PTPRD: variants seen among roughly 807,000 people sequenced by gnomAD.
PTPRD encodes the protein receptor-type tyrosine-protein phosphatase delta.
In PTPRD, 34 loss-of-function variants were observed where a neutral mutation model predicts 214.5. The observed-to-expected ratio is 0.16, with a 90% confidence interval of 0.12 to 0.21. PTPRD has a LOEUF of 0.21. Among genes scored for constraint, PTPRD ranks in the 10% least tolerant of loss-of-function variants. The pLI, the probability that PTPRD is intolerant of heterozygous loss-of-function variation, is 1.00. For missense variants in PTPRD, 2,545 were observed against 2,398.7 expected, an observed-to-expected ratio of 1.06 and a Z score of -1.27; for synonymous variants, 1,128 against 845.7, an observed-to-expected ratio of 1.33 and a Z score of -5.79.
At chr9:8,996,957 T>C (rs528942453) in intron 11 of PTPRD, among the ~76,000 whole-genome samples, 4 of 152,212 alleles carry the variant, frequency 2.6e-5, no homozygotes, top group African/African-American at 9.6e-5. Flanking sequence ...AATTACATGC[T>C]AAAAAGAATA....
At chr9:8,599,088 CATGAGACTT>C (rs756480233) in intron 14 of PTPRD, among the ~76,000 whole-genome samples, 28 of 152,152 alleles carry the variant, frequency 1.8e-4, no homozygotes, top group Non-Finnish European at 2.6e-4. Flanking sequence ...AAGCTGTTCT[CATGAGACTT>C]AATACGTCTC....
chr9:9,230,048 T>A (rs2099962093), intron 9 of PTPRD, among the ~76,000 whole-genome samples: 1 of 152,162 alleles, frequency 6.6e-6, no homozygotes, highest in African/African-American at 2.4e-5. Flanking sequence ...TCATGTTAAA[T>A]TAACTCAATA....
chr9:8,895,649 C>T (rs2098603230), intron 11 of PTPRD, among the ~76,000 whole-genome samples: 1 of 152,130 alleles, frequency 6.6e-6, no homozygotes, highest in African/African-American at 2.4e-5. Context: ...TTTTAATGCT[C>T]AGATAATCCC....
intron 2 of PTPRD, among the ~76,000 whole-genome samples, chr9:10,493,422 C>A (rs982950385): frequency 1.3e-5 from 2 of 152,040 alleles, no homozygotes; most frequent in South Asian, 4.1e-4. Flanking sequence ...TGGAACAGAA[C>A]AGAGGCCTCA....
chr9:9,340,075 G>C (rs1012892953), intron 9 of PTPRD, among the ~76,000 whole-genome samples: 1 of 152,044 alleles, frequency 6.6e-6, no homozygotes, highest in African/African-American at 2.4e-5. Context: ...TAGATAAATG[G>C]CACTCTAGGA....
At chr9:9,310,107 C>A (rs1017167816) in intron 9 of PTPRD, among the ~76,000 whole-genome samples, 1 of 152,124 alleles carries the variant, frequency 6.6e-6, no homozygotes, top group East Asian at 1.9e-4. Context: ...CCCTGCAGAT[C>A]TCATTTTTTT....
chr9:9,975,536 C>T (rs2095320716), intron 4 of PTPRD, among the ~76,000 whole-genome samples: 1 of 152,206 alleles, frequency 6.6e-6, no homozygotes, highest in Non-Finnish European at 1.5e-5. Context: ...ATTAGGCATT[C>T]AGCGTCTCAG....
At chr9:8,945,641 C>A (rs931008845) in intron 11 of PTPRD, among the ~76,000 whole-genome samples, 16 of 152,028 alleles carry the variant, frequency 1.1e-4, no homozygotes, top group African/African-American at 3.9e-4. Context: ...GTATTCAAGG[C>A]CTCTCTCAGT....
intron 7 of PTPRD, among the ~76,000 whole-genome samples, chr9:9,705,639 T>C (rs1220377822): frequency 6.6e-6 from 1 of 152,054 alleles, no homozygotes; most frequent in Non-Finnish European, 1.5e-5. Flanking sequence ...AATGAAAATA[T>C]TTTATCTTAA....
intron 8 of PTPRD, among the ~76,000 whole-genome samples, chr9:9,425,181 G>T (rs2080340275): frequency 6.6e-6 from 1 of 151,850 alleles, no homozygotes; most frequent in African/African-American, 2.4e-5. Context: ...ACAATAGCCA[G>T]TACATCCATT....
At chr9:9,412,634 T>TC (rs1200089947) in intron 8 of PTPRD, among the ~76,000 whole-genome samples, 5 of 152,158 alleles carry the variant, frequency 3.3e-5, no homozygotes, top group African/African-American at 1.2e-4. Flanking sequence ...ACTCCAACTT[T>TC]CATCCCAAAT....
chr9:9,938,035 T>C (rs1467093407), intron 5 of PTPRD, among the ~76,000 whole-genome samples: 4 of 152,170 alleles, frequency 2.6e-5, no homozygotes, highest in South Asian at 4.1e-4. Flanking sequence ...TTGGATTATC[T>C]GCTTGCCCTT....
chr9:10,310,638 G>C (rs896050331), intron 3 of PTPRD, among the ~76,000 whole-genome samples: 1 of 152,070 alleles, frequency 6.6e-6, no homozygotes, highest in African/African-American at 2.4e-5. Context: ...CAGGTTCTTG[G>C]GGAAAGTGTT....
chr9:8,796,584 T>C (rs979024170), intron 11 of PTPRD, among the ~76,000 whole-genome samples: 3 of 152,310 alleles, frequency 2.0e-5, no homozygotes, highest in African/African-American at 4.8e-5. Context: ...CAGTTATCTG[T>C]GGCTTTTTTA....
chr9:10,169,533 T>C (rs1315455397), intron 3 of PTPRD, among the ~76,000 whole-genome samples: 4 of 147,528 alleles, frequency 2.7e-5, no homozygotes, highest in Admixed American at 6.8e-5. Flanking sequence ...GACAGAGAAC[T>C]GAGGTGGCTG....
At chr9:9,493,086 C>T (rs1006872134) in intron 8 of PTPRD, among the ~76,000 whole-genome samples, 59 of 151,188 alleles carry the variant, frequency 3.9e-4, no homozygotes, top group African/African-American at 1.4e-3. Context: ...ATCAATAACC[C>T]TAAAAGGCCT....
chr9:8,977,395 G>C (rs114441077), intron 11 of PTPRD, among the ~76,000 whole-genome samples: 3 of 151,968 alleles, frequency 2.0e-5, no homozygotes, highest in African/African-American at 7.2e-5. Context: ...GTTCTATTTA[G>C]TATTTCTAAA....
intron 23 of PTPRD, among the ~76,000 whole-genome samples, chr9:8,503,106 A>G (rs558927229): frequency 4.6e-5 from 7 of 152,180 alleles, no homozygotes; most frequent in African/African-American, 1.7e-4. Context: ...ATTAAACATG[A>G]TCCTAATCAT....
intron 27 of PTPRD, among the ~76,000 whole-genome samples, chr9:8,487,923 G>A (rs551587871): frequency 6.6e-6 from 1 of 152,122 alleles, no homozygotes; most frequent in Non-Finnish European, 1.5e-5. Flanking sequence ...TAGCCACTCA[G>A]GGGGCTGAGG....
Sources: allele counts gnomAD v4.1 joint callset (sites outside exome capture counted in the v4.1 genomes callset), GRCh38; gene constraint gnomAD v4.1.1; transcripts MANE v1.5; gene names NCBI Gene and HGNC (gene_info 2026-07-23, HGNC 2026-07-21).